The following PURB variants were observed in gnomAD, a reference collection of about 807,000 sequenced individuals.
The protein encoded by PURB is purine rich element binding protein B.
PURB carries 11 observed loss-of-function variants against 21.1 expected under a neutral mutation model. That is an observed-to-expected ratio of 0.52 (90% CI 0.33 to 0.86). The LOEUF is 0.86. Ranked by LOEUF, PURB falls within the 40% of genes least tolerant of loss-of-function variation. The pLI is 0.02. For synonymous variants in PURB, 246 were observed against 210.8 expected (o/e 1.17, Z -1.45); for missense variants, 357 against 456.5 (o/e 0.78, Z 1.99).
chr7:44,880,655 A>AG lies in PURB; in HGVS notation c.*3754dup, dbSNP rs1793863231. On this transcript the variant is annotated 3_prime_UTR_variant, in exon 1 of 1. Transcript: ENST00000395699. Reference sequence around the variant, plus strand: ...GCCCACAACCCTGCATCTTCAGATAAGACAGGATAATTGTTTTGTTTTGAG... The same window carrying AG: ...GCCCACAACCCTGCATCTTCAGATAAGGACAGGATAATTGTTTTGTTTTGAG... The AG allele has an allele frequency of 6.6e-6, 1 of 152,524 alleles. No individual in the cohort carries two copies. Among genetic ancestry groups the AG allele is most frequent in the African/African-American group, 2.4e-5 (1 of 41,310 alleles). The allele number at this position is 152,524 out of a possible 1,614,324, so 9.4% of individuals were successfully genotyped here. A position where few individuals can be genotyped will look rare whatever the true frequency, so the allele number is the denominator to read the frequency against.
rs1342369321 is a variant in PURB, at chr7:44,882,185, GA to G, written c.*2224del. Reference sequence around the variant, plus strand: ...CAGCTCCTTTACTAAAACTATTTAGGAATTTGTTCTCCGCAGCAAAGAAATA... The same window carrying G: ...CAGCTCCTTTACTAAAACTATTTAGGATTTGTTCTCCGCAGCAAAGAAATA... On this transcript the variant is annotated 3_prime_UTR_variant, in exon 1 of 1. Coordinates refer to ENST00000395699, the MANE Select transcript of PURB (RefSeq NM_033224.5). The G allele has an allele frequency of 1.3e-5, 2 of 152,516 alleles. No individual in the cohort carries two copies. Among genetic ancestry groups the G allele is most frequent in the African/African-American group, 4.8e-5 (2 of 41,416 alleles). The allele number at this position is 152,516 out of a possible 1,614,324, so 9.4% of individuals were successfully genotyped here.
rs1793944005 is a variant in PURB, at chr7:44,885,396, C to T, written c.-48G>A. 5.2e-6 allele frequency: 4 copies of T among 772,580 alleles called. No individual in the cohort carries two copies. In the East Asian group the frequency reaches 3.0e-4, roughly 59 times the overall value. 47.9% of individuals were successfully genotyped at this position (772,580 alleles called of 1,614,324 possible). On this transcript the variant is annotated 5_prime_UTR_variant, in exon 1 of 1. Coordinates refer to ENST00000395699, the MANE Select transcript of PURB (RefSeq NM_033224.5). ...CCACCGCCCGCCGCGCTCGCGCCCC[C>T]GCCCTCCGGCTCGCGCTCCGGGGCC...
chr7:44,884,207 T>A lies in PURB; in HGVS notation c.*203A>T. The A allele has an allele frequency of 7.9e-7, 1 of 1,259,762 alleles. No homozygotes were observed. Among genetic ancestry groups the A allele is most frequent in the Non-Finnish European group, 1.1e-6 (1 of 944,314 alleles). 78.0% of individuals were successfully genotyped at this position (1,259,762 alleles called of 1,614,324 possible). On this transcript the variant is annotated 3_prime_UTR_variant, in exon 1 of 1. Coordinates refer to ENST00000395699, the MANE Select transcript of PURB (RefSeq NM_033224.5). ...TTCCTCTTTGCAGGTTGCTGTCAGT[T>A]CCTTGGAACTTGACTGCTTTTCTCA...
rs958296475 is a variant in PURB, at chr7:44,878,558, T to C, written c.*5852A>G. The C allele has an allele frequency of 5.2e-5, 8 of 152,604 alleles. No homozygotes were observed. The highest frequency in any genetic ancestry group is 1.9e-4 in the East Asian group (1 of 5,204). The allele number at this position is 152,604 out of a possible 1,614,324, so 9.5% of individuals were successfully genotyped here. A position where few individuals can be genotyped will look rare whatever the true frequency, so the allele number is the denominator to read the frequency against. Reference sequence around the variant, plus strand: ...TTTAACATGACTCTACCTATCCCAATTGGAATGTCTAATTCAAGAGACATG... The same window carrying C: ...TTTAACATGACTCTACCTATCCCAACTGGAATGTCTAATTCAAGAGACATG... On this transcript the variant is annotated 3_prime_UTR_variant, in exon 1 of 1. Coordinates refer to ENST00000395699, the MANE Select transcript of PURB (RefSeq NM_033224.5).
In PURB at chr7:44,881,223, G is replaced by A. The variant is rs1793871800; in HGVS notation, c.*3187C>T. Reference sequence around the variant, plus strand: ...ACTATTTTGATTAGCTGGGATGTTTGCCAAGCTTAAAAAAAAAGGCTCAAA... The same window carrying A: ...ACTATTTTGATTAGCTGGGATGTTTACCAAGCTTAAAAAAAAAGGCTCAAA... On this transcript the variant is annotated 3_prime_UTR_variant, in exon 1 of 1. Coordinates refer to ENST00000395699, the MANE Select transcript of PURB (RefSeq NM_033224.5). 6.6e-6 allele frequency: 1 copy of A among 151,848 alleles called. No individual in the cohort carries two copies. The highest frequency in any genetic ancestry group is 2.4e-5 in the African/African-American group (1 of 41,302). 9.4% of individuals were successfully genotyped at this position (151,848 alleles called of 1,614,324 possible). A position where few individuals can be genotyped will look rare whatever the true frequency, so the allele number is the denominator to read the frequency against.
At position 44,884,272 on chromosome 7, in the gene PURB, C is replaced by T; in HGVS notation, c.*138G>A. ...GTTCTCTTACGATTATTTCTCTTAA[C>T]TGTGTTACGTTTTGTTTTTTCCCTC... is the stretch of plus-strand genomic sequence containing the variant. On this transcript the variant is annotated 3_prime_UTR_variant, in exon 1 of 1. Transcript: ENST00000395699. 1 of 1,456,060 alleles carries T rather than the reference C, an allele frequency of 6.9e-7. No homozygotes were observed. The highest frequency in any genetic ancestry group is 1.4e-5 in the South Asian group (1 of 70,636). 90.2% of individuals were successfully genotyped at this position (1,456,060 alleles called of 1,614,324 possible).
chr7:44,883,131 ACT>A lies in PURB; in HGVS notation c.*1277_*1278del, dbSNP rs1793903353. 1.3e-5 allele frequency: 2 copies of A among 152,554 alleles called. No homozygotes were observed. Among genetic ancestry groups the A allele is most frequent in the Admixed American group, 1.3e-4 (2 of 15,258 alleles). 9.5% of individuals were successfully genotyped at this position (152,554 alleles called of 1,614,324 possible). A position where few individuals can be genotyped will look rare whatever the true frequency, so the allele number is the denominator to read the frequency against. On this transcript the variant is annotated 3_prime_UTR_variant, in exon 1 of 1. Coordinates refer to ENST00000395699, the MANE Select transcript of PURB (RefSeq NM_033224.5). ...TGAATCACTCATCCATCATTTGCCA[ACT>A]CTGATTGTGAGGTACTGATACAATG...
rs1793882639 is a variant in PURB at position 44,882,024 on chromosome 7, G to A, written c.*2386C>T. On this transcript the variant is annotated 3_prime_UTR_variant, in exon 1 of 1. Transcript: ENST00000395699. ...AACCACCACTGAAGCAAGAAAACAA[G>A]TTGGTCTATACAAGAATTGTACATG... is the stretch of plus-strand genomic sequence containing the variant. The A allele has an allele frequency of 6.5e-6, 1 of 152,860 alleles. No individual in the cohort carries two copies. The highest frequency in any genetic ancestry group is 2.4e-5 in the African/African-American group (1 of 41,478). The allele number at this position is 152,860 out of a possible 1,614,324, so 9.5% of individuals were successfully genotyped here.
rs1793927774 is a variant in PURB at position 44,884,583 on chromosome 7, T to C, written c.766A>G (p.Asn256Asp). ...GCTTTGAAGGGTACGGTGATGGCAT[T>C]GCGGTAGGACGGCTTCACCTCGCTC... ...RVSEVKPSYRNAITVPFKAWG... is the reference protein window; with the variant it reads ...RVSEVKPSYRDAITVPFKAWG... Residue 256 changes from asparagine (N) to aspartate (D), a missense_variant, in exon 1 of 1, where the codon AAT (asparagine) becomes GAT (aspartate). Transcript: ENST00000395699. 2 of 1,614,040 alleles carry C rather than the reference T, an allele frequency of 1.2e-6. No homozygotes were observed. The highest frequency in any genetic ancestry group is 2.7e-5 in the African/African-American group (2 of 74,910).
rs1199141711 is a variant in PURB at position 44,885,307 on chromosome 7, A to G, written c.42T>C (p.Gly14=). ...GDSGSERGGG[G]GPCGFQPASR... Reference sequence around the variant, plus strand: ...ACGCGGGCTGGAACCCGCACGGCCCACCGCCGCCGCCGCGCTCGCTGCCGC... The same window carrying G: ...ACGCGGGCTGGAACCCGCACGGCCCGCCGCCGCCGCCGCGCTCGCTGCCGC... The change falls in exon 1 of 1, where the codon GGT becomes GGC. Residue 14 remains glycine (G), a synonymous_variant. Transcript: ENST00000395699. The G allele has an allele frequency of 2.2e-6, 3 of 1,384,384 alleles. No homozygotes were observed. The highest frequency in any genetic ancestry group is 1.7e-5 in the South Asian group (1 of 59,690). The allele number at this position is 1,384,384 out of a possible 1,614,324, so 85.8% of individuals were successfully genotyped here.
chr7:44,884,690 G>A lies in PURB; in HGVS notation c.659C>T (p.Pro220Leu). The A allele has an allele frequency of 1.2e-6, 2 of 1,614,004 alleles. No individual in the cohort carries two copies. Among genetic ancestry groups the A allele is most frequent in the Non-Finnish European group, 1.7e-6 (2 of 1,180,018 alleles). ...GTCCACGGTGATGGAGGTGCCCTCC[G>A]GGAGCTCTCCATACAGGCCGCCCCC... ...GPGGGLYGEL[P>L]EGTSITVDSK... The change falls in exon 1 of 1, where the codon CCG (proline) becomes CTG (leucine). Residue 220 changes from proline to leucine, a missense_variant. Physicochemically the swap from Pro to Leu is moderately conservative, Grantham distance 98. Coordinates refer to ENST00000395699, the MANE Select transcript of PURB (RefSeq NM_033224.5).
Position 44,884,977 on chromosome 7 carries a change from C to G in PURB, c.372G>C (p.Leu124Phe). Reference protein sequence around the residue: ...GPRRALKSEFLVRENRKYYLD... With the variant: ...GPRRALKSEFFVRENRKYYLD... Reference sequence around the variant, plus strand: ...GGTAGTACTTGCGGTTCTCACGCACCAAGAATTCGCTCTTGAGCGCGCGCC... The same window carrying G: ...GGTAGTACTTGCGGTTCTCACGCACGAAGAATTCGCTCTTGAGCGCGCGCC... Residue 124 changes from leucine to phenylalanine, a missense_variant, in exon 1 of 1, where the codon TTG (leucine) becomes TTC (phenylalanine). Transcript: ENST00000395699. The G allele has an allele frequency of 6.4e-7, 1 of 1,565,538 alleles. No individual in the cohort carries two copies. The highest frequency in any genetic ancestry group is 8.6e-7 in the Non-Finnish European group (1 of 1,158,608).
chr7:44,879,834 T>A lies in PURB; in HGVS notation c.*4576A>T, dbSNP rs1793852311. 1 of 152,658 alleles carries A rather than the reference T, an allele frequency of 6.6e-6. No individual in the cohort carries two copies. Among genetic ancestry groups the A allele is most frequent in the African/African-American group, 2.4e-5 (1 of 41,448 alleles). 9.5% of individuals were successfully genotyped at this position (152,658 alleles called of 1,614,324 possible). A position where few individuals can be genotyped will look rare whatever the true frequency, so the allele number is the denominator to read the frequency against. ...TGATCCACATCACACAAAGATTTCA[T>A]GTATTTCATGATCAAAAAGTGCTTT... On this transcript the variant is annotated 3_prime_UTR_variant, in exon 1 of 1. Transcript: ENST00000395699.
At position 44,883,967 on chromosome 7, in the gene PURB, C is replaced by A. The variant is rs1793917402; in HGVS notation, c.*443G>T. On this transcript the variant is annotated 3_prime_UTR_variant, in exon 1 of 1. Transcript: ENST00000395699. ...TTCAATGGAGGTGAAGGGATAGACACCGCAACAGTGAGGCCTAGAGAGATC... is the reference window on the plus strand; with the variant it reads ...TTCAATGGAGGTGAAGGGATAGACAACGCAACAGTGAGGCCTAGAGAGATC... The A allele has an allele frequency of 5.9e-6, 1 of 168,276 alleles. No individual in the cohort carries two copies. Among genetic ancestry groups the A allele is most frequent in the Admixed American group, 5.9e-5 (1 of 17,084 alleles). 10.4% of individuals were successfully genotyped at this position (168,276 alleles called of 1,614,324 possible).
Position 44,885,240 on chromosome 7 carries a change from T to A in PURB, c.109A>T (p.Lys37Ter). 1 of 1,567,004 alleles carries A rather than the reference T, an allele frequency of 6.4e-7. No individual in the cohort carries two copies. Among genetic ancestry groups the A allele is most frequent in the Non-Finnish European group, 8.6e-7 (1 of 1,163,604 alleles). ...CGCTTGTTCTGGATGTCCAGCCGCT[T>A]CGAGGCCAGCTCCTGCGTCTCTTGC... is the stretch of plus-strand genomic sequence containing the variant. ...GEQETQELASKRLDIQNKRFY... is the reference protein window; with the variant it reads ...GEQETQELAS The change falls in exon 1 of 1, where the codon AAG (lysine) becomes TAG (stop). Residue 37 changes from lysine to a stop codon, truncating the protein, a stop_gained. Transcript: ENST00000395699. LOFTEE classifies it high-confidence loss of function.
rs1703025030 is a variant in PURB at position 44,884,707 on chromosome 7, G to A, written c.642C>T (p.Gly214=). 1.9e-6 allele frequency: 3 copies of A among 1,613,384 alleles called. No individual in the cohort carries two copies. The highest frequency in any genetic ancestry group is 2.5e-6 in the Non-Finnish European group (3 of 1,179,962). Residue 214 remains glycine, a synonymous_variant, in exon 1 of 1, where the codon GGC becomes GGT. Coordinates refer to ENST00000395699, the MANE Select transcript of PURB (RefSeq NM_033224.5). ...PGGGAGGPGG[G]LYGELPEGTS... Reference sequence around the variant, plus strand: ...TGCCCTCCGGGAGCTCTCCATACAGGCCGCCCCCTGGGCCCCCGGCGCCGC... The same window carrying A: ...TGCCCTCCGGGAGCTCTCCATACAGACCGCCCCCTGGGCCCCCGGCGCCGC...
rs1195947789 is a variant in PURB at position 44,882,827 on chromosome 7, T to C, written c.*1583A>G. ...ACGTTAGCTCCCATTCAATTCAAAGTTACCTAGGTCTATGACATTTCTAGG... is the reference window on the plus strand; with the variant it reads ...ACGTTAGCTCCCATTCAATTCAAAGCTACCTAGGTCTATGACATTTCTAGG... On this transcript the variant is annotated 3_prime_UTR_variant, in exon 1 of 1. Transcript: ENST00000395699. The C allele has an allele frequency of 2.6e-5, 4 of 152,190 alleles. No individual in the cohort carries two copies. The highest frequency in any genetic ancestry group is 5.9e-5 in the Non-Finnish European group (4 of 68,022). The allele number at this position is 152,190 out of a possible 1,614,324, so 9.4% of individuals were successfully genotyped here.
At position 44,878,178 on chromosome 7, in the gene PURB, TTAAGG is replaced by T. The variant is rs567302581; in HGVS notation, c.*6227_*6231del. The T allele has an allele frequency of 1.3e-5, 2 of 152,310 alleles. No individual in the cohort carries two copies. Among genetic ancestry groups the T allele is most frequent in the African/African-American group, 4.8e-5 (2 of 41,560 alleles). 9.4% of individuals were successfully genotyped at this position (152,310 alleles called of 1,614,324 possible). ...AAAAAGTTAGCTATTGAAGTGTTAT[TTAAGG>T]TAAGGGGGAAAAAAGGACAAACTCA... On this transcript the variant is annotated 3_prime_UTR_variant, in exon 1 of 1. Transcript: ENST00000395699.
At position 44,884,356 on chromosome 7, in the gene PURB, C is replaced by A; in HGVS notation, c.*54G>T. On this transcript the variant is annotated 3_prime_UTR_variant, in exon 1 of 1. Coordinates refer to ENST00000395699, the MANE Select transcript of PURB (RefSeq NM_033224.5). The stretch of plus-strand genomic sequence containing the variant: ...CTGGGGATGAGCAGGAAAGGGAATT[C>A]TCTAGCCAAGGGGATGGTGGTTGGG... The A allele has an allele frequency of 2.5e-6, 4 of 1,580,678 alleles. No homozygotes were observed. The highest frequency in any genetic ancestry group is 1.2e-5 in the South Asian group (1 of 86,854).
Sources: gnomAD v4.1 joint callset for allele counts on GRCh38, gnomAD v4.1.1 for gene constraint, MANE v1.5 for transcripts, NCBI Gene and HGNC (gene_info 2026-07-23, HGNC 2026-07-21) for gene names.